Variants in BABAM2 observed in about 807,000 individuals in gnomAD.
The protein encoded by BABAM2 is BRISC and BRCA1 A complex member 2.
In BABAM2, 31 loss-of-function variants were observed where a neutral mutation model predicts 54.7. The ratio of observed to expected loss-of-function variants is 0.57; its 90% CI spans 0.43 to 0.77. The LOEUF is 0.77. BABAM2 is among the 30% of genes least tolerant of loss of function. The pLI is 0.00. For synonymous variants in BABAM2, 167 were observed against 162.9 expected, an observed-to-expected ratio of 1.03 and a Z score of -0.19; for missense variants, 364 against 455.8, an observed-to-expected ratio of 0.80 and a Z score of 1.83.
chr2:27,909,843 C>T (rs1666451096), intron 2 of BABAM2, among the ~76,000 whole-genome samples: 1 of 152,154 alleles, frequency 6.6e-6, no homozygotes, highest in Non-Finnish European at 1.5e-5. Context: ...GTGTATAGGA[C>T]ATGCTATGAC....
intron 10 of BABAM2, among the ~76,000 whole-genome samples, chr2:28,252,611 A>G (rs1385589418): frequency 6.6e-6 from 1 of 152,198 alleles, no homozygotes; most frequent in Non-Finnish European, 1.5e-5. Flanking sequence ...CTAGTTTGAG[A>G]ACTTACTGGA....
chr2:27,945,955 T>G (rs1478855975), intron 3 of BABAM2, among the ~76,000 whole-genome samples: 1 of 152,140 alleles, frequency 6.6e-6, no homozygotes, highest in Non-Finnish European at 1.5e-5. Flanking sequence ...TTCAACACAT[T>G]TGCTTGTGAA....
chr2:27,918,971 T>C (rs1230442520), intron 2 of BABAM2, among the ~76,000 whole-genome samples: 1 of 152,230 alleles, frequency 6.6e-6, no homozygotes, highest in East Asian at 1.9e-4. Context: ...ATTACAGGCA[T>C]GAGCCACTGT....
At chr2:28,066,641 A>G (rs1307218680) in intron 6 of BABAM2, among the ~76,000 whole-genome samples, 3 of 152,172 alleles carry the variant, frequency 2.0e-5, no homozygotes, top group Admixed American at 2.0e-4. Flanking sequence ...CACTTCCAAG[A>G]TGGTTCACTC....
chr2:28,063,553 T>G (rs961237068), intron 6 of BABAM2, among the ~76,000 whole-genome samples: 6 of 152,184 alleles, frequency 3.9e-5, no homozygotes, highest in Non-Finnish European at 8.8e-5. Flanking sequence ...TAACCACATT[T>G]GGCTAGTAAC....
intron 6 of BABAM2, among the ~76,000 whole-genome samples, chr2:28,114,699 G>A (rs146895294): frequency 1.1e-4 from 16 of 152,270 alleles, no homozygotes; most frequent in Admixed American, 5.2e-4. Flanking sequence ...TAGGAGATCC[G>A]ATTATGGTTA....
At chr2:28,064,030 G>A (rs1425472929) in intron 6 of BABAM2, among the ~76,000 whole-genome samples, 1 of 152,182 alleles carries the variant, frequency 6.6e-6, no homozygotes, top group African/African-American at 2.4e-5. Flanking sequence ...TACCATGGAG[G>A]CTTCCTGTAG....
chr2:28,299,794 A>C (rs1478858124), intron 11 of BABAM2, among the ~76,000 whole-genome samples: 1 of 152,178 alleles, frequency 6.6e-6, no homozygotes, highest in Non-Finnish European at 1.5e-5. Flanking sequence ...GCCATGACTA[A>C]TCAAGAACTT....
intron 11 of BABAM2, among the ~76,000 whole-genome samples, chr2:28,328,329 A>C (rs1690661345): frequency 6.6e-6 from 1 of 152,222 alleles, no homozygotes; most frequent in South Asian, 2.1e-4. Context: ...GATTAAAAAC[A>C]TGTGCCAGTT....
chr2:28,018,794 A>C (rs967279073), intron 4 of BABAM2, among the ~76,000 whole-genome samples: 2 of 152,118 alleles, frequency 1.3e-5, no homozygotes, highest in Admixed American at 6.5e-5. Context: ...GGCCATTTGT[A>C]TATCTTCTTT....
chr2:27,942,794 T>TTATC (rs1669012125), intron 3 of BABAM2, among the ~76,000 whole-genome samples: 1 of 143,918 alleles, frequency 6.9e-6, no homozygotes, highest in Non-Finnish European at 1.5e-5. Flanking sequence ...CTTAAAAAAT[T>TTATC]TATTTATTTA....
chr2:28,193,469 C>T (rs967523548), intron 7 of BABAM2, among the ~76,000 whole-genome samples: 5 of 152,120 alleles, frequency 3.3e-5, no homozygotes, highest in Non-Finnish European at 7.4e-5. Context: ...GCCTCAGTTT[C>T]CTCATGTGTA....
chr2:28,217,278 T>G (rs1680005304), intron 7 of BABAM2, among the ~76,000 whole-genome samples: 1 of 152,190 alleles, frequency 6.6e-6, no homozygotes, highest in Admixed American at 6.5e-5. Context: ...GTTTCATAAA[T>G]TGGCACTGAT....
intron 10 of BABAM2, among the ~76,000 whole-genome samples, chr2:28,259,451 A>T (rs1420202810): frequency 1.3e-5 from 2 of 151,848 alleles, no homozygotes; most frequent in Non-Finnish European, 2.9e-5. Context: ...TCTTGTTTTT[A>T]ATTGGGCTGT....
intron 7 of BABAM2, among the ~76,000 whole-genome samples, chr2:28,214,916 A>AT (rs766915317): frequency 2.8e-4 from 43 of 152,074 alleles, no homozygotes; most frequent in Non-Finnish European, 4.0e-4. Flanking sequence ...CCATATTGCC[A>AT]TGCTTAAATA....
intron 5 of BABAM2, among the ~76,000 whole-genome samples, chr2:28,031,634 G>A (rs1401376555): frequency 1.3e-5 from 2 of 152,130 alleles, no homozygotes; most frequent in South Asian, 2.1e-4. Flanking sequence ...GGTTTAATCT[G>A]TATCTCTAAA....
intron 8 of BABAM2, among the ~76,000 whole-genome samples, chr2:28,237,724 A>C (rs1024109721): frequency 3.3e-5 from 5 of 152,110 alleles, no homozygotes; most frequent in Non-Finnish European, 5.9e-5. Context: ...GTTTAAAACT[A>C]CCTTCATCCC....
chr2:28,254,002 A>G (rs1332727223), intron 10 of BABAM2, among the ~76,000 whole-genome samples: 1 of 152,216 alleles, frequency 6.6e-6, no homozygotes, highest in Non-Finnish European at 1.5e-5. Context: ...TGATTACCAA[A>G]AACGTGATTT....
chr2:28,215,115 T>C (rs1275081000), intron 7 of BABAM2, among the ~76,000 whole-genome samples: 1 of 152,178 alleles, frequency 6.6e-6, no homozygotes, highest in East Asian at 1.9e-4. Context: ...CTTTGTACAA[T>C]TTAATCCAAT....
Sources: allele counts gnomAD v4.1 joint callset (sites outside exome capture counted in the v4.1 genomes callset), GRCh38; gene constraint gnomAD v4.1.1; transcripts MANE v1.5; gene names NCBI Gene and HGNC (gene_info 2026-07-23, HGNC 2026-07-21).